The following PHF21A variants were observed in gnomAD, a reference collection of about 807,000 sequenced individuals.
PHF21A encodes the protein PHD finger protein 21A.
PHF21A carries 11 observed loss-of-function variants against 82.5 expected under a neutral mutation model. That is an observed-to-expected ratio of 0.13 (90% CI 0.08 to 0.22). The LOEUF (loss-of-function observed/expected upper bound fraction) is 0.22. Ranked by LOEUF, PHF21A falls within the 10% of genes least tolerant of loss-of-function variation. The probability of loss-of-function intolerance (pLI) is 1.00; values close to 1 mark genes in which losing one functional copy is unlikely to be tolerated. For missense variants in PHF21A, 579 were observed against 837.8 expected, an observed-to-expected ratio of 0.69 and a Z score of 3.81; for synonymous variants, 297 against 302.8, an observed-to-expected ratio of 0.98 and a Z score of 0.20.
chr11:45,936,631 C>T, intron 16 of PHF21A, 62 bp from the exon 17 acceptor site: 2 of 1,061,846 alleles, frequency 1.9e-6, no homozygotes, highest in South Asian at 1.3e-5. Flanking sequence ...CTCTATGTAA[C>T]AGCTAGCAGT....
In PHF21A at chr11:45,934,059, G is replaced by T; in HGVS notation, c.1955C>A (p.Pro652His). The T allele has an allele frequency of 6.2e-7, 1 of 1,613,976 alleles. No individual in the cohort carries two copies. Among genetic ancestry groups the T allele is most frequent in the Non-Finnish European group, 8.5e-7 (1 of 1,179,920 alleles). Reference sequence around the variant, plus strand: ...CGTGGAGGTGGCGGCATTGGCAGGGGGGGTGCAGTCCGGGCCATTGGAGAT... The same window carrying T: ...CGTGGAGGTGGCGGCATTGGCAGGGTGGGTGCAGTCCGGGCCATTGGAGAT... The part of the protein sequence containing the change: ...GAISNGPDCT[P>H]PANAATSTPA... Residue 652 changes from proline (P) to histidine (H), a missense_variant, in exon 19 of 19, where the codon CCC becomes CAC. Pro to His is a moderately conservative substitution (Grantham distance 77). Coordinates refer to ENST00000676320, the MANE Select transcript of PHF21A (RefSeq NM_001352027.3).
intron 6 of PHF21A, among the ~76,000 whole-genome samples, chr11:46,021,735 G>C (rs993169812): frequency 6.6e-6 from 1 of 151,398 alleles, no homozygotes; most frequent in Non-Finnish European, 1.5e-5. Context: ...TTTTTTTGTA[G>C]AGATGAGATC....
intron 6 of PHF21A, among the ~76,000 whole-genome samples, chr11:45,993,625 T>C (rs1297717200): frequency 6.6e-6 from 1 of 151,720 alleles, no homozygotes; most frequent in Non-Finnish European, 1.5e-5. Flanking sequence ...ACTGACTGAA[T>C]GCAGAGTACA....
At chr11:46,096,746 T>G in intron 1 of PHF21A, among the ~76,000 whole-genome samples, 1 of 137,410 alleles carries the variant, frequency 7.3e-6, no homozygotes, top group African/African-American at 2.7e-5. Context: ...CTCATGGCTA[T>G]AGAAGGATCT....
At chr11:46,025,674 T>C (rs1347686174) in intron 6 of PHF21A, among the ~76,000 whole-genome samples, 1 of 152,214 alleles carries the variant, frequency 6.6e-6, no homozygotes, top group African/African-American at 2.4e-5. Context: ...AATTCCTATA[T>C]ACCTTTCACC....
chr11:46,001,602 G>A (rs61882510), intron 6 of PHF21A, among the ~76,000 whole-genome samples: 18,339 of 152,020 alleles, frequency 0.12, 1,330 homozygotes, highest in African/African-American at 0.22. Context: ...AACAGGAAAA[G>A]GATTAACTAC....
At chr11:45,986,232 G>T (rs1246986636) in intron 6 of PHF21A, among the ~76,000 whole-genome samples, 1 of 151,934 alleles carries the variant, frequency 6.6e-6, no homozygotes, top group Non-Finnish European at 1.5e-5. Context: ...TTATTTGCTA[G>T]CCTGATTGAA....
rs2088201165 is a variant in PHF21A, at chr11:45,934,212, A to C, written c.1802T>G (p.Met601Arg). The change falls in exon 19 of 19, where the codon ATG (methionine) becomes AGG (arginine). Residue 601 changes from methionine to arginine, a missense_variant. Around this residue, in one of 3 missense-constraint regions of PHF21A, gnomAD observed 157 missense variants for 149.4 expected, o/e 1.05. Transcript: ENST00000676320. ...CTGCCGGGCCAGGATGGTGTTCTTC[A>C]TTTCCATGCATTTCTGCAGCAAATG... ...LSNSISKCME[M>R]KNTILARQKE... 1.2e-6 allele frequency: 2 copies of C among 1,612,542 alleles called. No homozygotes were observed. Among genetic ancestry groups the C allele is most frequent in the Non-Finnish European group, 1.7e-6 (2 of 1,179,856 alleles).
At chr11:46,037,960 T>C (rs1212769926) in intron 6 of PHF21A, among the ~76,000 whole-genome samples, 1 of 152,050 alleles carries the variant, frequency 6.6e-6, no homozygotes, top group East Asian at 1.9e-4. Flanking sequence ...TTAAATCTAG[T>C]CTCCATGTTT....
At chr11:46,092,658 T>C (rs1283530382) in intron 1 of PHF21A, among the ~76,000 whole-genome samples, 1 of 152,168 alleles carries the variant, frequency 6.6e-6, no homozygotes, top group Non-Finnish European at 1.5e-5. Context: ...AATCTTGAAA[T>C]GTATTTGCCT....
At chr11:46,071,035 T>G (rs1243267655) in intron 6 of PHF21A, among the ~76,000 whole-genome samples, 1 of 152,218 alleles carries the variant, frequency 6.6e-6, no homozygotes, top group African/African-American at 2.4e-5. Flanking sequence ...TTTTTTATAC[T>G]TTTAGACTAA....
chr11:46,008,612 A>AGAT (rs1350108422), intron 6 of PHF21A, among the ~76,000 whole-genome samples: 1 of 152,180 alleles, frequency 6.6e-6, no homozygotes, highest in Non-Finnish European at 1.5e-5. Flanking sequence ...ATATGGTGGA[A>AGAT]ATGTGACTCG....
chr11:46,032,680 AG>A (rs1235852719), intron 6 of PHF21A, among the ~76,000 whole-genome samples: 3 of 152,166 alleles, frequency 2.0e-5, no homozygotes, highest in African/African-American at 7.2e-5. Context: ...TCATCAATAG[AG>A]TAAGGACTGC....
intron 6 of PHF21A, among the ~76,000 whole-genome samples, chr11:46,075,371 G>C (rs1423063671): frequency 6.6e-6 from 1 of 152,070 alleles, no homozygotes; most frequent in Non-Finnish European, 1.5e-5. Flanking sequence ...TGGAACACGT[G>C]AATTTTTCAG....
rs1201387420 is a variant in PHF21A, at chr11:45,938,635, A to G, written c.1453-323T>C. Among the ~76,000 whole-genome samples, 6 of 152,350 alleles carry G rather than the reference A, an allele frequency of 3.9e-5. No individual in the cohort carries two copies. In the East Asian group the frequency reaches 7.7e-4, roughly 20 times the overall value. ...ACAGACCCACAATAAAGTTTAATTTATAAATTAGGCACAATAAGAGATTAA... is the reference window on the plus strand; with the variant it reads ...ACAGACCCACAATAAAGTTTAATTTGTAAATTAGGCACAATAAGAGATTAA... On this transcript the variant is annotated intron_variant, in intron 15 of 18. Transcript: ENST00000676320.
chr11:46,047,011 T>G (rs2096268770), intron 6 of PHF21A, among the ~76,000 whole-genome samples: 1 of 152,226 alleles, frequency 6.6e-6, no homozygotes, highest in African/African-American at 2.4e-5. Flanking sequence ...TTTAAGCTAA[T>G]TTAAAGTGAT....
chr11:46,094,614 G>A (rs770807965), intron 1 of PHF21A, among the ~76,000 whole-genome samples: 38 of 152,182 alleles, frequency 2.5e-4, no homozygotes, highest in East Asian at 7.7e-4. Flanking sequence ...AATCCTGGCC[G>A]TGCACAGTGG....
At chr11:46,010,971 TTC>T (rs148137663) in intron 6 of PHF21A, among the ~76,000 whole-genome samples, 1 of 151,506 alleles carries the variant, frequency 6.6e-6, no homozygotes, top group East Asian at 1.9e-4. Flanking sequence ...AACTTTCTCT[TTC>T]TCTCTCTCTC....
At chr11:45,973,155 A>G (rs2093857610) in intron 7 of PHF21A, among the ~76,000 whole-genome samples, 1 of 152,264 alleles carries the variant, frequency 6.6e-6, no homozygotes, top group Non-Finnish European at 1.5e-5. Flanking sequence ...AAATTAAAAC[A>G]TCAGCTCCTC....
Sources: gnomAD v4.1 joint callset for allele counts (sites outside exome capture counted in the v4.1 genomes callset) on GRCh38, gnomAD v4.1.1 for gene constraint, gnomAD v4.1.1 regional missense constraint, MANE v1.5 for transcripts, NCBI Gene and HGNC (gene_info 2026-07-23, HGNC 2026-07-21) for gene names.